CTDSPL2: variants seen among roughly 807,000 people sequenced by gnomAD.
CTDSPL2 encodes CTD small phosphatase like 2.
CTDSPL2 carries 5 observed loss-of-function variants against 60.0 expected under a neutral mutation model. That is an observed-to-expected ratio of 0.08 (90% CI 0.04 to 0.18). The LOEUF (loss-of-function observed/expected upper bound fraction) is 0.18. Ranked by LOEUF, CTDSPL2 falls within the 10% of genes least tolerant of loss-of-function variation. CTDSPL2 has a pLI of 1.00. For synonymous variants in CTDSPL2, 186 were observed against 189.3 expected, an observed-to-expected ratio of 0.98 and a Z score of 0.14; for missense variants, 370 against 548.8, an observed-to-expected ratio of 0.67 and a Z score of 3.26.
At chr15:44,511,724 C>T (rs1020177599) in intron 8 of CTDSPL2, among the ~76,000 whole-genome samples, 3 of 151,682 alleles carry the variant, frequency 2.0e-5, no homozygotes, top group African/African-American at 4.8e-5. Context: ...AAAAATGAGC[C>T]GGATGTGGTG....
intron 1 of CTDSPL2, among the ~76,000 whole-genome samples, chr15:44,453,219 C>T (rs1210548544): frequency 1.3e-5 from 2 of 152,024 alleles, no homozygotes; most frequent in African/African-American, 4.8e-5. Flanking sequence ...TGTCTTGTTC[C>T]TGATGTTAGA....
At chr15:44,462,366 G>GAAA (rs1567073274) in intron 2 of CTDSPL2, among the ~76,000 whole-genome samples, 1 of 152,158 alleles carries the variant, frequency 6.6e-6, no homozygotes, top group African/African-American at 2.4e-5. Flanking sequence ...ACTAGCAGCT[G>GAAA]ATTTCAGGGA....
chr15:44,467,720 C>T (rs1428954480), intron 2 of CTDSPL2, among the ~76,000 whole-genome samples: 3 of 152,052 alleles, frequency 2.0e-5, no homozygotes, highest in Non-Finnish European at 4.4e-5. Context: ...ATTACAGGCA[C>T]GTGACACCAT....
chr15:44,494,164 T>C (rs2081260492), intron 5 of CTDSPL2, among the ~76,000 whole-genome samples: 1 of 152,224 alleles, frequency 6.6e-6, no homozygotes, highest in Non-Finnish European at 1.5e-5. Context: ...ATTTAAGTTA[T>C]AATTATTGTC....
chr15:44,443,780 T>C (rs1397889666), intron 1 of CTDSPL2, among the ~76,000 whole-genome samples: 1 of 152,218 alleles, frequency 6.6e-6, no homozygotes, highest in Non-Finnish European at 1.5e-5. Context: ...TTCTTTCTGA[T>C]TGTAATGCTT....
At chr15:44,435,561 C>CT (rs1244924156) in intron 1 of CTDSPL2, among the ~76,000 whole-genome samples, 2 of 148,758 alleles carry the variant, frequency 1.3e-5, no homozygotes, top group Non-Finnish European at 3.0e-5. Context: ...GAGAGAAACT[C>CT]TGTCTCAAAA....
Position 44,524,100 on chromosome 15 carries a change from T to C in CTDSPL2, c.1336-9T>C, listed in dbSNP as rs199714149. The stretch of plus-strand genomic sequence containing the variant: ...ATGCCTTTTTAAAAATTGTCTTTTT[T>C]CCACGCAGAATGAAGATGTTCGACC... On this transcript the variant is annotated splice_polypyrimidine_tract_variant and intron_variant, in intron 12 of 12. Coordinates refer to ENST00000260327, the MANE Select transcript of CTDSPL2 (RefSeq NM_016396.3). The C allele has an allele frequency of 1.5e-5, 24 of 1,613,180 alleles. No individual in the cohort carries two copies. In the East Asian group the frequency reaches 4.7e-4, roughly 31 times the overall value.
chr15:44,511,580 G>T (rs1378493487), intron 8 of CTDSPL2, among the ~76,000 whole-genome samples: 1 of 152,146 alleles, frequency 6.6e-6, no homozygotes, highest in Non-Finnish European at 1.5e-5. Context: ...CTCAAAATCT[G>T]TAATTTATCA....
chr15:44,452,622 A>G (rs560728086), intron 1 of CTDSPL2, among the ~76,000 whole-genome samples: 26 of 152,282 alleles, frequency 1.7e-4, no homozygotes, highest in Non-Finnish European at 2.8e-4. Context: ...AATTTTATCA[A>G]AAAACATACA....
At chr15:44,509,640 G>A (rs566579984) in intron 8 of CTDSPL2, among the ~76,000 whole-genome samples, 19 of 151,786 alleles carry the variant, frequency 1.3e-4, no homozygotes, top group Non-Finnish European at 2.1e-4. Context: ...TAGTAGTGTA[G>A]TGGGTTTTTT....
intron 5 of CTDSPL2, among the ~76,000 whole-genome samples, chr15:44,493,984 A>G (rs2081257626): frequency 6.6e-6 from 1 of 152,166 alleles, no homozygotes; most frequent in Non-Finnish European, 1.5e-5. Flanking sequence ...CTGTCTCAAA[A>G]GGTGTTAATA....
chr15:44,511,725 G>A (rs1375722851), intron 8 of CTDSPL2, among the ~76,000 whole-genome samples: 6 of 151,974 alleles, frequency 3.9e-5, no homozygotes, highest in East Asian at 1.9e-4. Context: ...AAAATGAGCC[G>A]GATGTGGTGG....
chr15:44,455,976 G>C (rs939885404), intron 1 of CTDSPL2, among the ~76,000 whole-genome samples: 2 of 144,940 alleles, frequency 1.4e-5, no homozygotes, highest in African/African-American at 5.1e-5. Context: ...TCAGCCTCCC[G>C]AGTAGCTGGG....
intron 8 of CTDSPL2, chr15:44,503,992 G>A (rs140188275): frequency 1.3e-5 from 2 of 152,276 alleles, no homozygotes; most frequent in East Asian, 1.9e-4. Context: ...GCTTACCCGC[G>A]TCCCCATTCT....
chr15:44,505,662 A>G (rs1308623938), intron 8 of CTDSPL2, among the ~76,000 whole-genome samples: 1 of 150,286 alleles, frequency 6.7e-6, no homozygotes, highest in African/African-American at 2.4e-5. Context: ...TGAACCCGGG[A>G]GGGAGAGGTT....
At chr15:44,489,521 TG>T (rs1343555886) in intron 4 of CTDSPL2, among the ~76,000 whole-genome samples, 1 of 152,132 alleles carries the variant, frequency 6.6e-6, no homozygotes, top group African/African-American at 2.4e-5. Flanking sequence ...TTGTGCTAAG[TG>T]GTTAATACAG....
intron 1 of CTDSPL2, among the ~76,000 whole-genome samples, chr15:44,454,502 A>G (rs1342243349): frequency 2.6e-5 from 4 of 152,138 alleles, no homozygotes; most frequent in East Asian, 3.9e-4. Context: ...GTCCTTGCCC[A>G]TGCCTATGTC....
chr15:44,514,908 T>A (rs879848135), intron 10 of CTDSPL2, 64 bp downstream of exon 10: 77 of 1,017,620 alleles, frequency 7.6e-5, no homozygotes, highest in Non-Finnish European at 1.1e-4. Context: ...ACTGATTCTA[T>A]TTCATTTTAA....
At chr15:44,487,977 A>C (rs889728275) in intron 4 of CTDSPL2, among the ~76,000 whole-genome samples, 1 of 151,896 alleles carries the variant, frequency 6.6e-6, no homozygotes, top group African/African-American at 2.4e-5. Context: ...AGTTAGCTGG[A>C]TGTGGTGGCA....
Sources: allele counts gnomAD v4.1 joint callset (sites outside exome capture counted in the v4.1 genomes callset), GRCh38; gene constraint gnomAD v4.1.1; transcripts MANE v1.5; gene names NCBI Gene and HGNC (gene_info 2026-07-23, HGNC 2026-07-21).